The following EHBP1 variants were observed in gnomAD, a reference collection of about 807,000 sequenced individuals.
EHBP1 encodes the protein EH domain-binding protein 1.
A neutral mutation model predicts 144.0 loss-of-function variants in EHBP1; 55 were observed. The observed-to-expected ratio is 0.38, with a 90% CI of 0.31 to 0.48. The LOEUF is 0.48. Among genes scored for constraint, EHBP1 ranks in the 20% least tolerant of loss-of-function variants. EHBP1 has a pLI of 0.98. For synonymous variants in EHBP1, 469 were observed against 472.7 expected (o/e 0.99, Z 0.10); for missense variants, 1,200 against 1,364.2 (o/e 0.88, Z 1.90).
At chr2:62,935,342 A>AC in intron 10 of EHBP1, among the ~76,000 whole-genome samples, 1 of 127,074 alleles carries the variant, frequency 7.9e-6, no homozygotes, top group Non-Finnish European at 1.8e-5. Context: ...AAAAAAAAAA[A>AC]AAATATATAT....
chr2:62,774,431 T>TTAA (rs1273391369), intron 5 of EHBP1, among the ~76,000 whole-genome samples: 2 of 152,088 alleles, frequency 1.3e-5, no homozygotes, highest in African/African-American at 4.8e-5. Context: ...TTAGACATTT[T>TTAA]CTTTAAACCA....
intron 19 of EHBP1, among the ~76,000 whole-genome samples, chr2:63,036,246 T>C (rs2061436376): frequency 1.3e-5 from 2 of 152,058 alleles, no homozygotes; most frequent in East Asian, 1.9e-4. Flanking sequence ...GAGATAGATA[T>C]TTGGACAATA....
intron 2 of EHBP1, among the ~76,000 whole-genome samples, chr2:62,733,686 A>G (rs2037831532): frequency 6.6e-6 from 1 of 152,156 alleles, no homozygotes. Context: ...CAAAGTGGCT[A>G]CTTTTTCTCT....
chr2:62,715,272 G>A (rs2035554806), intron 2 of EHBP1, among the ~76,000 whole-genome samples: 1 of 151,932 alleles, frequency 6.6e-6, no homozygotes, highest in East Asian at 1.9e-4. Flanking sequence ...ATGCCACCAT[G>A]CCCAGCTAAT....
At chr2:62,993,709 A>T (rs1161053302) in intron 17 of EHBP1, 41 bp downstream of exon 17, 1 of 1,285,550 alleles carries the variant, frequency 7.8e-7, no homozygotes, top group South Asian at 1.7e-5. Context: ...TTATGGTTTA[A>T]CTATATATAG....
chr2:62,843,623 T>G (rs1476020025), intron 7 of EHBP1, among the ~76,000 whole-genome samples: 3 of 152,186 alleles, frequency 2.0e-5, no homozygotes, highest in African/African-American at 7.2e-5. Flanking sequence ...ATGGCAGTTG[T>G]TTGGCTTTCT....
intron 10 of EHBP1, among the ~76,000 whole-genome samples, chr2:62,927,279 T>TTG (rs1349601197): frequency 1.3e-5 from 2 of 152,136 alleles, no homozygotes; most frequent in Admixed American, 1.3e-4. Context: ...TACTCAATTC[T>TTG]TGTGTTATAT....
At chr2:62,769,493 T>C (rs904713066) in intron 4 of EHBP1, among the ~76,000 whole-genome samples, 1 of 151,960 alleles carries the variant, frequency 6.6e-6, no homozygotes, top group Non-Finnish European at 1.5e-5. Flanking sequence ...AAAACACTGC[T>C]CAAAGAAATC....
At chr2:62,838,316 CAATCTCTGGG>C (rs1558765325) in intron 7 of EHBP1, among the ~76,000 whole-genome samples, 1 of 152,116 alleles carries the variant, frequency 6.6e-6, no homozygotes, top group African/African-American at 2.4e-5. Context: ...CAACATACCA[CAATCTCTGGG>C]ACACATTCAA....
At chr2:62,883,060 T>G (rs763176243) in intron 10 of EHBP1, among the ~76,000 whole-genome samples, 3 of 152,114 alleles carry the variant, frequency 2.0e-5, no homozygotes, top group Non-Finnish European at 4.4e-5. Context: ...GTACTGTCTA[T>G]ACCATTATCT....
At chr2:62,701,215 C>A (rs1235026790), upstream of EHBP1, among the ~76,000 whole-genome samples, 1 of 152,050 alleles carries the variant, frequency 6.6e-6, no homozygotes, top group Non-Finnish European at 1.5e-5. Context: ...TACATTTTTC[C>A]AGTAGCTGCA....
In EHBP1 at chr2:62,707,304, T is replaced by C. The variant is rs2034686487; in HGVS notation, c.104+9T>C. On this transcript the variant is annotated intron_variant, in intron 2 of 22. Transcript: ENST00000431489. ...GAGTGTACGAAGAAATGGTAAGATG[T>C]ACCTGGAGGTAGATTTTGCTGTGCT... The C allele has an allele frequency of 6.2e-7, 1 of 1,602,528 alleles. No individual in the cohort carries two copies. The highest frequency in any genetic ancestry group is 1.1e-5 in the South Asian group (1 of 90,862).
At chr2:62,882,477 C>CT (rs1422449803) in intron 10 of EHBP1, among the ~76,000 whole-genome samples, 3 of 152,212 alleles carry the variant, frequency 2.0e-5, no homozygotes, top group African/African-American at 7.2e-5. Flanking sequence ...ATACCTAAAC[C>CT]TATCACTTGT....
intron 5 of EHBP1, among the ~76,000 whole-genome samples, chr2:62,805,283 T>C (rs1008015612): frequency 2.0e-5 from 3 of 152,096 alleles, no homozygotes; most frequent in Non-Finnish European, 4.4e-5. Flanking sequence ...TATGGTATGG[T>C]ATTTATTGAT....
intron 10 of EHBP1, among the ~76,000 whole-genome samples, chr2:62,890,035 C>T (rs553740988): frequency 2.7e-5 from 4 of 146,174 alleles, no homozygotes; most frequent in African/African-American, 1.0e-4. Flanking sequence ...AGTTTTGGCT[C>T]ACTGCAACCT....
intron 2 of EHBP1, among the ~76,000 whole-genome samples, chr2:62,729,291 TATA>T (rs2037153514): frequency 7.5e-6 from 1 of 132,748 alleles, no homozygotes; most frequent in South Asian, 2.1e-4. Flanking sequence ...ATTTTGCACA[TATA>T]ATATTTTATA....
At chr2:63,014,238 C>T (rs183382924) in intron 19 of EHBP1, among the ~76,000 whole-genome samples, 54 of 152,310 alleles carry the variant, frequency 3.5e-4, no homozygotes, top group Admixed American at 1.0e-3. Flanking sequence ...TAATGCAACA[C>T]CTTTTTCCTT....
At chr2:62,842,957 C>G (rs2048023926) in intron 7 of EHBP1, among the ~76,000 whole-genome samples, 1 of 152,076 alleles carries the variant, frequency 6.6e-6, no homozygotes, top group Non-Finnish European at 1.5e-5. Flanking sequence ...TGTAATGATT[C>G]AATAATTATT....
At chr2:62,857,852 C>T (rs1168879366) in intron 7 of EHBP1, among the ~76,000 whole-genome samples, 1 of 151,180 alleles carries the variant, frequency 6.6e-6, no homozygotes, top group Admixed American at 6.6e-5. Context: ...CTTAAAAGAA[C>T]AGATCCTATT....
Sources: allele counts gnomAD v4.1 joint callset (sites outside exome capture counted in the v4.1 genomes callset), GRCh38; gene constraint gnomAD v4.1.1; transcripts MANE v1.5; gene names NCBI Gene and HGNC (gene_info 2026-07-23, HGNC 2026-07-21).